The following PCDHA6 variants were observed in gnomAD, a reference collection of about 807,000 sequenced individuals.
The protein encoded by PCDHA6 is protocadherin alpha-6.
In PCDHA6, 55 loss-of-function variants were observed where a neutral mutation model predicts 60.3. That is an observed-to-expected ratio of 0.91 (90% CI 0.73 to 1.14). The LOEUF (loss-of-function observed/expected upper bound fraction) is 1.14, where lower values mean the gene tolerates loss of function less well. Ranked by LOEUF, PCDHA6 falls within the 50% of genes most tolerant of loss-of-function variation. The pLI is 0.00. For missense variants in PCDHA6, 1,327 were observed against 1,256.5 expected (o/e 1.06, Z -0.85); for synonymous variants, 652 against 557.9 (o/e 1.17, Z -2.38).
intron 1 of PCDHA6, chr5:140,847,674 G>A (rs2150402803): frequency 6.7e-6 from 1 of 149,800 alleles, no homozygotes; most frequent in African/African-American, 2.4e-5. Flanking sequence ...AGCTTGGAAA[G>A]AATCAAAACA....
At chr5:140,875,247 A>T in intron 1 of PCDHA6, 1 of 962,254 alleles carries the variant, frequency 1.0e-6, no homozygotes, top group Non-Finnish European at 1.5e-6. Flanking sequence ...TTACATAATC[A>T]GTCACATGAT....
Position 140,957,818 on chromosome 5 carries a change from A to T in PCDHA6, c.2395-21131A>T, listed in dbSNP as rs568420954. On this transcript the variant is annotated intron_variant, in intron 1 of 3. Transcript: ENST00000529310. ...GTTAAGTAAAAAAAAGTCACAAATT[A>T]AGAGAAAGTGTTAATTGATTTGAGA... Among the ~76,000 whole-genome samples the T allele has an allele frequency of 9.3e-4, 141 of 151,940 alleles. 1 individual carries two copies. Among genetic ancestry groups the T allele is most frequent in the African/African-American group, 2.9e-3 (121 of 41,526 alleles).
At chr5:141,000,415 ATATATATTTTTTTT>A (rs2097922429) in intron 3 of PCDHA6, among the ~76,000 whole-genome samples, 2 of 87,398 alleles carry the variant, frequency 2.3e-5, no homozygotes, top group Non-Finnish European at 4.3e-5. Flanking sequence ...ATATATATAT[ATATATATTTTTTTT>A]TTTTTTTTTT....
intron 1 of PCDHA6, chr5:140,842,566 CGA>C: frequency 6.7e-7 from 1 of 1,503,446 alleles, no homozygotes; most frequent in Non-Finnish European, 9.0e-7. Context: ...CCCTGGACCG[CGA>C]GAGAGTGTCG....
At chr5:140,837,632 C>CTTT (rs1562365662) in intron 1 of PCDHA6, among the ~76,000 whole-genome samples, 8 of 151,106 alleles carry the variant, frequency 5.3e-5, no homozygotes, top group Admixed American at 1.3e-4. Context: ...TTCCTTCCTT[C>CTTT]CTTTCTTTCT....
At chr5:140,846,148 T>A (rs1780222185) in intron 1 of PCDHA6, among the ~76,000 whole-genome samples, 1 of 149,706 alleles carries the variant, frequency 6.7e-6, no homozygotes, top group South Asian at 2.1e-4. Flanking sequence ...TATTTAAAAG[T>A]TGCCTGAGAT....
At position 140,858,282 on chromosome 5, in the gene PCDHA6, G is replaced by T. The variant is rs782040852; in HGVS notation, c.2394+27797G>T. On this transcript the variant is annotated intron_variant, in intron 1 of 3. Coordinates refer to ENST00000529310, the MANE Select transcript of PCDHA6 (RefSeq NM_018909.4). ...CTGGTGTGCTCTAGCGCGGTGGGGA[G>T]CTGGTCTTACTCGCAGCAGAGGCGG... 2.5e-6 allele frequency: 4 copies of T among 1,597,480 alleles called. No homozygotes were observed. The highest frequency in any genetic ancestry group is 3.4e-6 in the Non-Finnish European group (4 of 1,167,300).
chr5:140,858,914 A>C, intron 1 of PCDHA6: 1 of 181,616 alleles, frequency 5.5e-6, no homozygotes, highest in Non-Finnish European at 1.1e-5. Flanking sequence ...CACAGCTTAT[A>C]CTGCCATAGT....
intron 1 of PCDHA6, chr5:140,857,340 C>A (rs782392001): frequency 9.4e-6 from 15 of 1,598,236 alleles, no homozygotes; most frequent in Non-Finnish European, 1.2e-5. Context: ...GACGGGGGCT[C>A]GCCTCCGCTG....
intron 1 of PCDHA6, chr5:140,869,216 A>C: frequency 6.2e-7 from 1 of 1,613,836 alleles, no homozygotes; most frequent in South Asian, 1.1e-5. Flanking sequence ...GTCTCGGAGG[A>C]GGCCAAACAC....
chr5:140,899,550 A>C (rs932403675), intron 1 of PCDHA6, among the ~76,000 whole-genome samples: 1 of 152,176 alleles, frequency 6.6e-6, no homozygotes, highest in Admixed American at 6.5e-5. Flanking sequence ...ATGGTGGATA[A>C]GCTTTTTGAT....
intron 1 of PCDHA6, among the ~76,000 whole-genome samples, chr5:140,892,990 G>T (rs782084236): frequency 1.3e-5 from 2 of 152,164 alleles, no homozygotes; most frequent in African/African-American, 2.4e-5. Context: ...GTATAAGTGA[G>T]AACATGTATT....
rs920860677 is a variant in PCDHA6, at chr5:140,985,387, C to T, written c.2542+2824C>T. Among the ~76,000 whole-genome samples the T allele has an allele frequency of 3.0e-4, 45 of 152,272 alleles. 1 individual carries two copies. Among genetic ancestry groups the T allele is most frequent in the African/African-American group, 9.9e-4 (41 of 41,542 alleles). On this transcript the variant is annotated intron_variant, in intron 3 of 3. Transcript: ENST00000529310. ...GTTATCTGGGTCTATATAATCCAGTCACCCCAACTGTTCCCCTGGAAATGG... is the reference window on the plus strand; with the variant it reads ...GTTATCTGGGTCTATATAATCCAGTTACCCCAACTGTTCCCCTGGAAATGG...
chr5:140,855,468 T>C (rs1160317208), intron 1 of PCDHA6, among the ~76,000 whole-genome samples: 1 of 149,888 alleles, frequency 6.7e-6, no homozygotes, highest in Non-Finnish European at 1.5e-5. Context: ...TCACAGATAG[T>C]TGATGCTTGA....
At chr5:140,883,066 C>G in intron 1 of PCDHA6, 1 of 1,614,070 alleles carries the variant, frequency 6.2e-7, no homozygotes. Flanking sequence ...AGCTAAATGC[C>G]ACAGATCCTG....
chr5:140,875,813 T>A, intron 1 of PCDHA6: 2 of 1,614,174 alleles, frequency 1.2e-6, no homozygotes, highest in Non-Finnish European at 1.7e-6. Context: ...GACAGGCCGC[T>A]GCAGGTTTTC....
intron 1 of PCDHA6, chr5:140,884,432 C>G: frequency 6.2e-7 from 1 of 1,613,880 alleles, no homozygotes; most frequent in Non-Finnish European, 8.5e-7. Context: ...TACTGCGCTG[C>G]GGTGCTCGGC....
In PCDHA6 at chr5:140,985,961, A is replaced by G. The variant is rs529433053; in HGVS notation, c.2542+3398A>G. ...TCACTGTGTTAGCCAGGATGGTCTCAATCTCCTGACCTCGTGATCCGCCCA... is the reference window on the plus strand; with the variant it reads ...TCACTGTGTTAGCCAGGATGGTCTCGATCTCCTGACCTCGTGATCCGCCCA... On this transcript the variant is annotated intron_variant, in intron 3 of 3. Transcript: ENST00000529310. 9.3e-3 allele frequency among the ~76,000 whole-genome samples: 1,411 copies of G among 151,982 alleles called. 12 individuals carry two copies. Among genetic ancestry groups the G allele is most frequent in the Non-Finnish European group, 0.015 (1,024 of 67,944 alleles).
At chr5:140,982,268 A>G (rs2096974621) in intron 2 of PCDHA6, 3 of 885,512 alleles carry the variant, frequency 3.4e-6, no homozygotes, top group South Asian at 2.2e-5. Flanking sequence ...TGTTCCTGGA[A>G]TAGTATAGCA....
Sources: gnomAD v4.1 joint callset for allele counts (sites outside exome capture counted in the v4.1 genomes callset) on GRCh38, gnomAD v4.1.1 for gene constraint, MANE v1.5 for transcripts, NCBI Gene and HGNC (gene_info 2026-07-23, HGNC 2026-07-21) for gene names.